Variants in SUMF2 observed in about 807,000 individuals in gnomAD.
SUMF2 encodes the protein inactive C-alpha-formylglycine-generating enzyme 2.
In SUMF2, 45 loss-of-function variants were observed where a neutral mutation model predicts 44.8. The observed-to-expected ratio is 1.00, with a 90% CI of 0.79 to 1.29. The LOEUF is 1.29. Among genes scored for constraint, SUMF2 ranks in the 50% most tolerant of loss-of-function variants. The pLI, the probability that SUMF2 is intolerant of heterozygous loss-of-function variation, is 0.00. For synonymous variants in SUMF2, 148 were observed against 150.4 expected (o/e 0.98, Z 0.12); for missense variants, 418 against 389.9 (o/e 1.07, Z -0.61).
chr7:56,076,306 G>GT (rs1795545189), intron 5 of SUMF2, among the ~76,000 whole-genome samples: 1 of 151,638 alleles, frequency 6.6e-6, no homozygotes, highest in Non-Finnish European at 1.5e-5. Context: ...GATTACAGGC[G>GT]TGAGCCACCA....
chr7:56,076,763 T>G lies in SUMF2; in HGVS notation c.536-71T>G. The stretch of plus-strand genomic sequence containing the variant: ...AACTTCCTTTTGATTCCCTCACTCT[T>G]TCTGTGTTCTTTTTTCCTTCCCTAA... On this transcript the variant is annotated intron_variant, in intron 5 of 8. Transcript: ENST00000434526. 3 of 1,404,272 alleles carry G rather than the reference T, an allele frequency of 2.1e-6. No homozygotes were observed. In the South Asian group the frequency reaches 3.9e-5, roughly 18 times the overall value. 87.0% of individuals were successfully genotyped at this position (1,404,272 alleles called of 1,614,324 possible). A position where few individuals can be genotyped will look rare whatever the true frequency, so the allele number is the denominator to read the frequency against.
At chr7:56,081,239 G>T, downstream of SUMF2, 3 of 1,613,400 alleles carry the variant, frequency 1.9e-6, no homozygotes, top group South Asian at 1.1e-5. This position sits in a 1 kb window ranked among gnomAD's most constrained non-coding sequence, Gnocchi z 4.6. Context: ...CGGGTCACAG[G>T]CTTCACCCGG....
At chr7:56,068,724 G>C (rs1437998080) in intron 2 of SUMF2, 86 bp downstream of exon 2, 1 of 1,448,104 alleles carries the variant, frequency 6.9e-7, no homozygotes, top group Admixed American at 2.4e-5. Flanking sequence ...TGTTTTTTGA[G>C]ACTGACTCCC....
At chr7:56,083,183 ATTAAG>A, downstream of SUMF2, 2 of 1,102,416 alleles carry the variant, frequency 1.8e-6, no homozygotes, top group Non-Finnish European at 2.6e-6. Flanking sequence ...CCAGGGAACA[ATTAAG>A]TTAGGGGAGA....
chr7:56,065,639 G>C, intron 1 of SUMF2, among the ~76,000 whole-genome samples: 1 of 151,920 alleles, frequency 6.6e-6, no homozygotes, highest in East Asian at 1.9e-4. Flanking sequence ...AGGTCTCGAC[G>C]TGTTGCCCAG....
At chr7:56,073,759 C>T (rs1030624173) in intron 3 of SUMF2, 1 of 201,146 alleles carries the variant, frequency 5.0e-6, no homozygotes, top group Non-Finnish European at 1.0e-5. Flanking sequence ...GCCTGTAACC[C>T]CAGCACTTTG....
At chr7:56,065,211 A>G (rs1053165451) in intron 1 of SUMF2, among the ~76,000 whole-genome samples, 1 of 150,694 alleles carries the variant, frequency 6.6e-6, no homozygotes, top group Non-Finnish European at 1.5e-5. Flanking sequence ...AAAAAAAAAA[A>G]AGGAAAAAGG....
chr7:56,070,451 C>T (rs1444679124), intron 2 of SUMF2, among the ~76,000 whole-genome samples: 1 of 151,260 alleles, frequency 6.6e-6, no homozygotes, highest in African/African-American at 2.4e-5. Context: ...CACAGACCCC[C>T]ATCTCTACTA....
downstream of SUMF2, chr7:56,083,407 T>C (rs752492125): frequency 1.2e-6 from 2 of 1,614,160 alleles, no homozygotes; most frequent in Non-Finnish European, 1.7e-6. Flanking sequence ...TTGTGCAAGG[T>C]GCAGATCACC....
the SUMF2 span, chr7:56,087,172 G>C: frequency 3.1e-6 from 2 of 651,974 alleles, no homozygotes; most frequent in Non-Finnish European, 5.6e-6. Flanking sequence ...CGTCAACCTG[G>C]GATGTGGGCA....
chr7:56,086,935 C>G, the SUMF2 span: 1 of 1,573,988 alleles, frequency 6.4e-7, no homozygotes, highest in Non-Finnish European at 8.7e-7. Flanking sequence ...CGGAGGTTCT[C>G]TCAGGTGTGG....
rs1795814548 is a variant in SUMF2, at chr7:56,079,291, C to G, written c.822-237C>G. The stretch of plus-strand genomic sequence containing the variant: ...GTGCTGTCTCTTGGGGCCACTGTCC[C>G]TCCCCCTACTCTTGCAAGACTCCTT... On this transcript the variant is annotated intron_variant, in intron 8 of 8. Coordinates refer to ENST00000434526, the MANE Select transcript of SUMF2 (RefSeq NM_015411.4). The G allele has an allele frequency of 1.4e-5, 8 of 571,070 alleles. No homozygotes were observed. In the East Asian group the frequency reaches 2.2e-4, roughly 16 times the overall value. The allele number at this position is 571,070 out of a possible 1,614,324, so 35.4% of individuals were successfully genotyped here. A position where few individuals can be genotyped will look rare whatever the true frequency, so the allele number is the denominator to read the frequency against.
chr7:56,081,525 A>G (rs950052766), downstream of SUMF2: 37 of 1,380,730 alleles, frequency 2.7e-5, no homozygotes, highest in Admixed American at 7.2e-5. The surrounding 1 kb of genome is among the most constrained non-coding windows in gnomAD (Gnocchi z 4.6). Flanking sequence ...GAGGGGAGGG[A>G]TGGGTACTCT....
At chr7:56,086,600 T>TGCCTCAGCCTCCCGCGTAGCTGGG in the SUMF2 span, among the ~76,000 whole-genome samples, 755 of 152,280 alleles carry the variant, frequency 5.0e-3, no homozygotes, top group Non-Finnish European at 9.3e-3. Context: ...GCGATTCTCC[T>TGCCTCAGCCTCCCGCGTAGCTGGG]GCCTCAGCCT....
At chr7:56,078,322 C>G (rs950565696) in intron 7 of SUMF2, 42 bp from the exon 8 acceptor site, 1 of 1,556,410 alleles carries the variant, frequency 6.4e-7, no homozygotes, top group Non-Finnish European at 8.7e-7. Flanking sequence ...GCGGGGTGGT[C>G]GGCGGGTCCC....
intron 8 of SUMF2, chr7:56,078,865 C>A (rs1795764778): frequency 2.2e-6 from 1 of 455,296 alleles, no homozygotes. Context: ...TGGTCATGGA[C>A]TTACTGACTC....
the SUMF2 span, chr7:56,087,919 A>G: frequency 1.8e-6 from 1 of 558,212 alleles, no homozygotes; most frequent in Non-Finnish European, 3.1e-6. Context: ...GAAATGGTGG[A>G]TGAATAAATA....
chr7:56,084,077 G>C (rs1796145405), downstream of SUMF2: 15 of 837,114 alleles, frequency 1.8e-5, no homozygotes, highest in South Asian at 2.3e-4. Flanking sequence ...CATTACCCTA[G>C]TTCCAGGCCA....
At chr7:56,085,542 G>A (rs150092895), downstream of SUMF2, among the ~76,000 whole-genome samples, 1 of 152,306 alleles carries the variant, frequency 6.6e-6, no homozygotes, top group Non-Finnish European at 1.5e-5. Flanking sequence ...TGGTGATGAT[G>A]ATATTGATCT....
Sources: allele counts gnomAD v4.1 joint callset (sites outside exome capture counted in the v4.1 genomes callset), GRCh38; gene constraint gnomAD v4.1.1; non-coding constraint Gnocchi (gnomAD v3.1); transcripts MANE v1.5; gene names NCBI Gene and HGNC (gene_info 2026-07-23, HGNC 2026-07-21).